The following CHCHD6 variants were observed in gnomAD, a reference collection of about 807,000 sequenced individuals.
CHCHD6 encodes the protein MICOS complex subunit MIC25.
In CHCHD6, 28 loss-of-function variants were observed where a neutral mutation model predicts 32.3. The observed-to-expected ratio is 0.87, with a 90% CI of 0.64 to 1.19. The LOEUF (loss-of-function observed/expected upper bound fraction) is 1.19. CHCHD6 is among the 50% of genes most tolerant of loss of function. CHCHD6 has a pLI of 0.00. For synonymous variants in CHCHD6, 122 were observed against 117.5 expected (o/e 1.04, Z -0.25); for missense variants, 333 against 307.0 (o/e 1.08, Z -0.63).
chr3:126,835,753 A>C (rs1940832908), intron 4 of CHCHD6, among the ~76,000 whole-genome samples: 1 of 152,214 alleles, frequency 6.6e-6, no homozygotes, highest in Admixed American at 6.5e-5. Context: ...TAGAAGCATG[A>C]GTAAGCTCTG....
At chr3:126,809,273 C>T (rs979323195) in intron 4 of CHCHD6, among the ~76,000 whole-genome samples, 2 of 152,156 alleles carry the variant, frequency 1.3e-5, no homozygotes, top group South Asian at 2.1e-4. Flanking sequence ...CTGGCCTGAG[C>T]AGTCTGCTTT....
At chr3:126,779,238 T>C (rs748958602) in intron 4 of CHCHD6, among the ~76,000 whole-genome samples, 1 of 152,144 alleles carries the variant, frequency 6.6e-6, no homozygotes, top group Non-Finnish European at 1.5e-5. Flanking sequence ...ATGATTCTTC[T>C]AAGAATTTTG....
intron 5 of CHCHD6, among the ~76,000 whole-genome samples, chr3:126,885,816 CTT>C (rs2077671720): frequency 6.6e-6 from 1 of 152,188 alleles, no homozygotes. Flanking sequence ...CTTTTACTCT[CTT>C]TGGCTTCTCC....
At chr3:126,949,606 A>T (rs1185200514) in intron 6 of CHCHD6, 2 of 167,784 alleles carry the variant, frequency 1.2e-5, no homozygotes, top group African/African-American at 5.4e-5. Flanking sequence ...CGTGGACGGA[A>T]GGGAAGGCTG....
rs145388924 is a variant in CHCHD6, at chr3:126,860,492, C to T, written c.495+7762C>T. On this transcript the variant is annotated intron_variant, in intron 5 of 7. Coordinates refer to ENST00000290913, the MANE Select transcript of CHCHD6 (RefSeq NM_032343.3). ...GGATAGCATTAGGAGATATACCTAA[C>T]GTAAATGATGAGTTAATGGGTGCAG... Among the ~76,000 whole-genome samples the T allele has an allele frequency of 3.5e-3, 525 of 152,060 alleles. 4 individuals are homozygous for T. Among genetic ancestry groups the T allele is most frequent in the African/African-American group, 0.012 (498 of 41,462 alleles).
At chr3:126,814,363 C>A (rs1939786686) in intron 4 of CHCHD6, among the ~76,000 whole-genome samples, 1 of 152,164 alleles carries the variant, frequency 6.6e-6, no homozygotes, top group South Asian at 2.1e-4. Flanking sequence ...TTTACAACTC[C>A]TAAAATCCTT....
chr3:126,868,446 T>TA (rs2077418067), intron 5 of CHCHD6, among the ~76,000 whole-genome samples: 10 of 151,042 alleles, frequency 6.6e-5, no homozygotes, highest in Admixed American at 2.6e-4. Context: ...GCTTTTTTTT[T>TA]TAAAAAAAAA....
chr3:126,893,541 C>T (rs989605394), intron 5 of CHCHD6, among the ~76,000 whole-genome samples: 9 of 152,154 alleles, frequency 5.9e-5, no homozygotes, highest in South Asian at 2.1e-4. Context: ...GCCATTAATC[C>T]GAAGAGTCCT....
intron 6 of CHCHD6, among the ~76,000 whole-genome samples, chr3:126,946,116 C>G (rs888357771): frequency 6.6e-6 from 1 of 152,098 alleles, no homozygotes; most frequent in Non-Finnish European, 1.5e-5. Context: ...GAGGCCATGG[C>G]TGCAAGGGGC....
intron 6 of CHCHD6, among the ~76,000 whole-genome samples, chr3:126,942,537 A>C (rs2078575344): frequency 6.6e-6 from 1 of 152,178 alleles, no homozygotes; most frequent in African/African-American, 2.4e-5. Flanking sequence ...ATTGGGCTAT[A>C]ATCTATAACT....
At chr3:126,711,874 C>A (rs1432589042) in intron 1 of CHCHD6, among the ~76,000 whole-genome samples, 3 of 152,202 alleles carry the variant, frequency 2.0e-5, no homozygotes, top group Admixed American at 1.3e-4. Context: ...GATTTCAAGT[C>A]CAACAAATGG....
At chr3:126,765,352 C>A (rs1937325181) in intron 4 of CHCHD6, among the ~76,000 whole-genome samples, 1 of 152,142 alleles carries the variant, frequency 6.6e-6, no homozygotes, top group Non-Finnish European at 1.5e-5. Context: ...AAAGGCACCT[C>A]ATTACTCACT....
At chr3:126,767,532 C>T (rs2107675309) in intron 4 of CHCHD6, 2 of 477,234 alleles carry the variant, frequency 4.2e-6, no homozygotes, top group Non-Finnish European at 7.8e-6. Flanking sequence ...CCATGATTTT[C>T]CCACCAGGCA....
intron 6 of CHCHD6, among the ~76,000 whole-genome samples, chr3:126,936,475 AAAATCTCTCCT>A (rs1431149629): frequency 6.6e-6 from 1 of 152,238 alleles, no homozygotes; most frequent in African/African-American, 2.4e-5. Flanking sequence ...CAAAAAAAGT[AAAATCTCTCCT>A]ATAATTTTTT....
chr3:126,869,195 A>G (rs2077431179), intron 5 of CHCHD6, among the ~76,000 whole-genome samples: 1 of 151,798 alleles, frequency 6.6e-6, no homozygotes, highest in Non-Finnish European at 1.5e-5. Context: ...ATAGGCTCAC[A>G]GTTTATTATT....
intron 4 of CHCHD6, among the ~76,000 whole-genome samples, chr3:126,849,083 T>C (rs1941385451): frequency 6.6e-6 from 1 of 152,236 alleles, no homozygotes; most frequent in South Asian, 2.1e-4. Flanking sequence ...AGGGGCGGGA[T>C]CTGTAGCTTC....
intron 4 of CHCHD6, among the ~76,000 whole-genome samples, chr3:126,785,819 A>G (rs1002053353): frequency 2.0e-5 from 3 of 151,924 alleles, no homozygotes; most frequent in African/African-American, 7.3e-5. Context: ...TTTCTTTTAT[A>G]CATATATATA....
intron 6 of CHCHD6, 53 bp downstream of exon 6, chr3:126,914,803 C>A: frequency 1.9e-6 from 2 of 1,052,624 alleles, no homozygotes; most frequent in Non-Finnish European, 3.0e-6. Flanking sequence ...TGTAAAAATT[C>A]CCACATGTGG....
At chr3:126,805,652 C>T (rs575202370) in intron 4 of CHCHD6, among the ~76,000 whole-genome samples, 1 of 151,962 alleles carries the variant, frequency 6.6e-6, no homozygotes, top group Non-Finnish European at 1.5e-5. Flanking sequence ...ATTCAATGCC[C>T]TCCCCATCAA....
Sources: allele counts gnomAD v4.1 joint callset (sites outside exome capture counted in the v4.1 genomes callset), GRCh38; gene constraint gnomAD v4.1.1; transcripts MANE v1.5; gene names NCBI Gene and HGNC (gene_info 2026-07-23, HGNC 2026-07-21).